The following CTNNA3 variants were observed in gnomAD, a reference collection of about 807,000 sequenced individuals.
CTNNA3 encodes catenin alpha-3.
In CTNNA3, 76 loss-of-function variants were observed where a neutral mutation model predicts 95.7. The ratio of observed to expected loss-of-function variants is 0.79; its 90% CI spans 0.66 to 0.96. The LOEUF is 0.96. Ranked by LOEUF, CTNNA3 falls within the 40% of genes least tolerant of loss-of-function variation. The probability of loss-of-function intolerance (pLI) is 0.00; values close to 1 mark genes in which losing one functional copy is unlikely to be tolerated. For missense variants in CTNNA3, 1,191 were observed against 1,089.8 expected (o/e 1.09, Z -1.31); for synonymous variants, 431 against 374.4 (o/e 1.15, Z -1.74).
intron 13 of CTNNA3, among the ~76,000 whole-genome samples, chr10:66,184,661 C>T (rs114977318): frequency 5.3e-5 from 8 of 152,256 alleles, no homozygotes; most frequent in African/African-American, 1.9e-4. Context: ...ATTGGAACAA[C>T]GTGACAATGC....
intron 10 of CTNNA3, among the ~76,000 whole-genome samples, chr10:66,572,417 A>C (rs1842896833): frequency 6.6e-6 from 1 of 151,916 alleles, no homozygotes; most frequent in African/African-American, 2.4e-5. Context: ...AATCTAAGCA[A>C]ACATATACAC....
chr10:67,458,053 G>A (rs1283565477), intron 5 of CTNNA3, among the ~76,000 whole-genome samples: 2 of 152,102 alleles, frequency 1.3e-5, no homozygotes, highest in African/African-American at 4.8e-5. Context: ...ATCATATAGA[G>A]TGTGAGAATT....
At chr10:67,375,465 T>A (rs1286923721) in intron 5 of CTNNA3, among the ~76,000 whole-genome samples, 1 of 151,970 alleles carries the variant, frequency 6.6e-6, no homozygotes, top group East Asian at 1.9e-4. Context: ...AAAATTAGCC[T>A]AGCTGGGCGT....
intron 7 of CTNNA3, chr10:67,097,593 T>C: frequency 6.2e-7 from 1 of 1,612,140 alleles, no homozygotes; most frequent in South Asian, 1.1e-5. Context: ...CCAGATACCT[T>C]TATCAATGAA....
intron 5 of CTNNA3, among the ~76,000 whole-genome samples, chr10:67,508,761 A>C (rs548201150): frequency 6.6e-6 from 1 of 152,368 alleles, no homozygotes; most frequent in Non-Finnish European, 1.5e-5. Context: ...CATACATCCA[A>C]TAAGAGGTTA....
chr10:67,570,086 G>T (rs930690280), intron 3 of CTNNA3, among the ~76,000 whole-genome samples: 1 of 151,624 alleles, frequency 6.6e-6, no homozygotes, highest in Non-Finnish European at 1.5e-5. Flanking sequence ...GACCTGTTCT[G>T]CTTGGTGTAT....
intron 5 of CTNNA3, among the ~76,000 whole-genome samples, chr10:67,234,128 A>C (rs1336179327): frequency 6.6e-6 from 1 of 152,164 alleles, no homozygotes; most frequent in Non-Finnish European, 1.5e-5. Flanking sequence ...ATTCCAATCA[A>C]TAGAAAAAGA....
intron 11 of CTNNA3, among the ~76,000 whole-genome samples, chr10:66,495,143 A>G (rs1840058444): frequency 6.6e-6 from 1 of 152,194 alleles, no homozygotes; most frequent in South Asian, 2.1e-4. Flanking sequence ...ATATTAACAT[A>G]TTCACCACAG....
chr10:66,097,214 T>C (rs2081428318), intron 14 of CTNNA3, among the ~76,000 whole-genome samples: 1 of 152,100 alleles, frequency 6.6e-6, no homozygotes, highest in African/African-American at 2.4e-5. Context: ...GTGTCCATGA[T>C]GTCAAAAATA....
At chr10:66,970,504 G>GGGGGC (rs1165443997) in intron 7 of CTNNA3, among the ~76,000 whole-genome samples, 1 of 92,944 alleles carries the variant, frequency 1.1e-5, no homozygotes, top group Non-Finnish European at 2.4e-5. Flanking sequence ...TTCTTGGGTG[G>GGGGGC]GGGGGGGATA....
chr10:67,199,598 T>C (rs1863546267), intron 6 of CTNNA3, among the ~76,000 whole-genome samples: 2 of 152,214 alleles, frequency 1.3e-5, no homozygotes, highest in East Asian at 3.9e-4. Flanking sequence ...CTCAATCTCC[T>C]GACCTCATAT....
intron 13 of CTNNA3, among the ~76,000 whole-genome samples, chr10:66,253,998 G>C (rs1422947276): frequency 1.3e-5 from 2 of 152,108 alleles, no homozygotes; most frequent in African/African-American, 4.8e-5. Context: ...TTGGATTTTG[G>C]TATTACCCAC....
At chr10:66,395,343 T>G (rs16922947) in intron 11 of CTNNA3, among the ~76,000 whole-genome samples, 1 of 151,866 alleles carries the variant, frequency 6.6e-6, no homozygotes, top group Admixed American at 6.6e-5. Context: ...ACTTGAATTT[T>G]CCACAGGTAT....
intron 2 of CTNNA3, among the ~76,000 whole-genome samples, chr10:67,639,289 T>C (rs867739689): frequency 6.6e-6 from 1 of 151,976 alleles, no homozygotes; most frequent in African/African-American, 2.4e-5. Context: ...ACATACACCC[T>C]CCCAAGACTA....
At position 67,521,803 on chromosome 10, in the gene CTNNA3, G is replaced by C. The variant is rs775800620; in HGVS notation, c.579+39C>G. On this transcript the variant is annotated intron_variant, in intron 5 of 17. Transcript: ENST00000433211. ...CAGGCAGGATGGCAGGAAGCCTAAAGTGTTCATCTCCTCCACCAAGGAGAG... is the reference window on the plus strand; with the variant it reads ...CAGGCAGGATGGCAGGAAGCCTAAACTGTTCATCTCCTCCACCAAGGAGAG... The C allele has an allele frequency of 1.9e-6, 3 of 1,600,362 alleles. No individual in the cohort carries two copies. In the Admixed American group the frequency reaches 5.3e-5, roughly 28 times the overall value.
chr10:67,587,236 TG>T (rs2133337704), intron 3 of CTNNA3, among the ~76,000 whole-genome samples: 1 of 149,290 alleles, frequency 6.7e-6, no homozygotes, highest in African/African-American at 2.4e-5. Context: ...TGTGTGTGTG[TG>T]TGTGTAGAGC....
intron 13 of CTNNA3, among the ~76,000 whole-genome samples, chr10:66,107,109 T>A (rs2081944146): frequency 6.6e-6 from 1 of 152,188 alleles, no homozygotes; most frequent in Admixed American, 6.5e-5. Context: ...TTCTCAGGGA[T>A]GATGGAAATA....
intron 7 of CTNNA3, among the ~76,000 whole-genome samples, chr10:67,092,499 C>T (rs879589412): frequency 6.6e-6 from 1 of 151,726 alleles, no homozygotes; most frequent in Non-Finnish European, 1.5e-5. Flanking sequence ...TCTTGAGTGA[C>T]CTTAACCAAA....
chr10:66,787,350 A>G (rs903362488), intron 7 of CTNNA3, among the ~76,000 whole-genome samples: 7 of 151,880 alleles, frequency 4.6e-5, no homozygotes, highest in East Asian at 1.9e-4. Flanking sequence ...ATTTTACTCT[A>G]TAAGAGAAAA....
Sources: gnomAD v4.1 joint callset for allele counts (sites outside exome capture counted in the v4.1 genomes callset) on GRCh38, gnomAD v4.1.1 for gene constraint, MANE v1.5 for transcripts, NCBI Gene and HGNC (gene_info 2026-07-23, HGNC 2026-07-21) for gene names.